CTNNA1: variants seen among roughly 807,000 people sequenced by gnomAD.
The protein encoded by CTNNA1 is catenin alpha 1.
Under a neutral mutation model 98.4 loss-of-function variants are expected in CTNNA1, and 37 were observed. That is an observed-to-expected ratio of 0.38 (90% CI 0.29 to 0.49). CTNNA1 has a LOEUF of 0.49. CTNNA1 is among the 20% of genes least tolerant of loss of function. CTNNA1 has a pLI of 0.95. For missense variants in CTNNA1, 761 were observed against 1,147.2 expected, an observed-to-expected ratio of 0.66 and a Z score of 4.86; for synonymous variants, 404 against 413.2, an observed-to-expected ratio of 0.98 and a Z score of 0.27.
At chr5:138,870,124 T>C (rs1048935299) in intron 7 of CTNNA1, 4 of 152,148 alleles carry the variant, frequency 2.6e-5, no homozygotes, top group African/African-American at 9.7e-5. Context: ...GAGTGGGTAG[T>C]GGTGGTGAAG....
chr5:138,758,908 A>G (rs1752018884), intron 1 of CTNNA1, among the ~76,000 whole-genome samples: 1 of 151,518 alleles, frequency 6.6e-6, no homozygotes, highest in Non-Finnish European at 1.5e-5. Flanking sequence ...GCTTTAAGCG[A>G]TTCTCCTGCC....
intron 7 of CTNNA1, among the ~76,000 whole-genome samples, chr5:138,882,268 G>A (rs1006160346): frequency 1.1e-4 from 17 of 152,208 alleles, no homozygotes; most frequent in African/African-American, 2.4e-4. Flanking sequence ...TGAACGATGG[G>A]TAGGAGTTGG....
At chr5:138,811,542 G>A (rs1188725936) in intron 4 of CTNNA1, among the ~76,000 whole-genome samples, 2 of 151,202 alleles carry the variant, frequency 1.3e-5, no homozygotes, top group African/African-American at 2.4e-5. Context: ...CTGCACTCTC[G>A]GCGCTTTGGG....
chr5:138,810,742 C>A (rs1758599509), intron 4 of CTNNA1, among the ~76,000 whole-genome samples: 1 of 152,216 alleles, frequency 6.6e-6, no homozygotes, highest in South Asian at 2.1e-4. Context: ...CCCCACCTTT[C>A]CCCCCTTTCT....
rs1766105801 is a variant in CTNNA1 at position 138,934,436 on chromosome 5, G to A, written c.*347G>A. The A allele has an allele frequency of 4.1e-6, 1 of 246,012 alleles. No individual in the cohort carries two copies. The highest frequency in any genetic ancestry group is 2.3e-5 in the African/African-American group (1 of 43,272). 15.2% of individuals were successfully genotyped at this position (246,012 alleles called of 1,614,324 possible). ...GTTAGGGTTTGAGAGAAGGGAATTT[G>A]GCTCAACTTCAGTTGAGAGGGTGCA... On this transcript the variant is annotated 3_prime_UTR_variant, in exon 18 of 18. Transcript: ENST00000302763.
intron 7 of CTNNA1, among the ~76,000 whole-genome samples, chr5:138,841,261 G>T (rs1213055332): frequency 5.3e-5 from 8 of 152,086 alleles, no homozygotes; most frequent in African/African-American, 1.9e-4. Flanking sequence ...ATGTATGTAT[G>T]TATTTATTTA....
chr5:138,756,820 G>A (rs1022108577), intron 1 of CTNNA1, among the ~76,000 whole-genome samples: 5 of 152,186 alleles, frequency 3.3e-5, no homozygotes, highest in African/African-American at 1.2e-4. Flanking sequence ...GCATGTGGAA[G>A]CAGAGAGTTG....
chr5:138,758,540 C>A (rs1393212413), intron 1 of CTNNA1, among the ~76,000 whole-genome samples: 3 of 152,112 alleles, frequency 2.0e-5, no homozygotes, highest in African/African-American at 7.2e-5. Flanking sequence ...CCACGCCCAG[C>A]TAATTTTTGT....
chr5:138,756,008 T>C (rs12653845), intron 1 of CTNNA1, among the ~76,000 whole-genome samples: 1 of 149,092 alleles, frequency 6.7e-6, no homozygotes, highest in African/African-American at 2.5e-5. Flanking sequence ...GATTACTAAG[T>C]GCAAGCTACC....
chr5:138,888,089 G>T (rs1426506088), intron 9 of CTNNA1, among the ~76,000 whole-genome samples: 1 of 152,184 alleles, frequency 6.6e-6, no homozygotes, highest in Non-Finnish European at 1.5e-5. Flanking sequence ...GACCTAAAAA[G>T]ATGATGTATG....
intron 1 of CTNNA1, among the ~76,000 whole-genome samples, chr5:138,779,536 A>G (rs188303290): frequency 6.7e-6 from 1 of 150,160 alleles, no homozygotes; most frequent in Non-Finnish European, 1.5e-5. Context: ...TCCGTTTTTT[A>G]AAAAAAAAAT....
intron 6 of CTNNA1, among the ~76,000 whole-genome samples, chr5:138,826,315 A>G (rs1403249781): frequency 2.0e-5 from 3 of 152,254 alleles, no homozygotes; most frequent in Non-Finnish European, 4.4e-5. Flanking sequence ...GTTGAAATCA[A>G]TAAGGACATA....
At chr5:138,867,732 T>C (rs1016190044) in intron 7 of CTNNA1, among the ~76,000 whole-genome samples, 5 of 151,230 alleles carry the variant, frequency 3.3e-5, no homozygotes, top group African/African-American at 1.2e-4. Context: ...TTTTCTCTTA[T>C]GATTTTCTTT....
At position 138,819,761 on chromosome 5, in the gene CTNNA1, T is replaced by C. The variant is rs567267655; in HGVS notation, c.589-4769T>C. On this transcript the variant is annotated intron_variant, in intron 5 of 17. Transcript: ENST00000302763. ...TGTTTTCCCTGGAAGGGGAGTGATA[T>C]TGTTTGGATTTGTGTCCCCCCCCAA... is the stretch of plus-strand genomic sequence containing the variant. 2.0e-5 allele frequency among the ~76,000 whole-genome samples: 3 copies of C among 151,658 alleles called. No homozygotes were observed. In the South Asian group the frequency reaches 6.3e-4, roughly 32 times the overall value.
intron 10 of CTNNA1, among the ~76,000 whole-genome samples, chr5:138,909,570 G>T: frequency 6.6e-6 from 1 of 151,954 alleles, no homozygotes; most frequent in Non-Finnish European, 1.5e-5. Context: ...AACTCCTGAG[G>T]TCAGGTGATC....
At chr5:138,778,130 A>T (rs967408966) in intron 1 of CTNNA1, among the ~76,000 whole-genome samples, 1 of 148,660 alleles carries the variant, frequency 6.7e-6, no homozygotes, top group Non-Finnish European at 1.5e-5. Context: ...AGTAGCTGGG[A>T]CTACAGGCGA....
At chr5:138,877,596 C>T (rs933930372) in intron 7 of CTNNA1, among the ~76,000 whole-genome samples, 96 of 151,884 alleles carry the variant, frequency 6.3e-4, no homozygotes, top group African/African-American at 1.2e-3. Context: ...TACAGGCGCC[C>T]GCCACCACGC....
At chr5:138,916,147 C>T (rs1761688602) in intron 10 of CTNNA1, among the ~76,000 whole-genome samples, 1 of 132,038 alleles carries the variant, frequency 7.6e-6, no homozygotes, top group African/African-American at 3.2e-5. Context: ...ATAGACAAAT[C>T]CATAGAGATA....
intron 7 of CTNNA1, among the ~76,000 whole-genome samples, chr5:138,854,200 T>C (rs1176348334): frequency 6.6e-6 from 1 of 152,204 alleles, no homozygotes. Context: ...GCGAATTATT[T>C]ATGGATATAC....
Sources: allele counts gnomAD v4.1 joint callset (sites outside exome capture counted in the v4.1 genomes callset), GRCh38; gene constraint gnomAD v4.1.1; transcripts MANE v1.5; gene names NCBI Gene and HGNC (gene_info 2026-07-23, HGNC 2026-07-21).